COL4A2: variants seen among roughly 807,000 people sequenced by gnomAD.
COL4A2 encodes collagen alpha-2(IV) chain.
In COL4A2, 99 loss-of-function variants were observed where a neutral mutation model predicts 200.2. That is an observed-to-expected ratio of 0.49 (90% confidence interval 0.42 to 0.58). COL4A2 has a LOEUF of 0.58. COL4A2 is among the 20% of genes least tolerant of loss of function. The pLI, the probability that COL4A2 is intolerant of heterozygous loss-of-function variation, is 0.00. For missense variants in COL4A2, 1,950 were observed against 2,314.1 expected (o/e 0.84, Z 3.23); for synonymous variants, 897 against 900.6 (o/e 1.00, Z 0.07).
chr13:110,384,362 C>T (rs1189933684), intron 4 of COL4A2, among the ~76,000 whole-genome samples: 2 of 152,118 alleles, frequency 1.3e-5, no homozygotes, highest in Non-Finnish European at 2.9e-5. Context: ...ACTCTAAAAC[C>T]CTCCTTAAGT....
Position 110,512,608 on chromosome 13 carries a change from C to G in COL4A2, c.*417C>G, listed in dbSNP as rs10509. 159,168 of 180,346 alleles carry G rather than the reference C, an allele frequency of 0.88. 70,520 individuals carry two copies. Among genetic ancestry groups the G allele is most frequent in the South Asian group, 0.95 (7,085 of 7,486 alleles). 11.2% of individuals were successfully genotyped at this position (180,346 alleles called of 1,614,324 possible). A position where few individuals can be genotyped will look rare whatever the true frequency, so the allele number is the denominator to read the frequency against. ...GGCCAGAGGCTCGAGGGGCTCAGGG[C>G]CTCAGGCACCCGTCCCCACACGAGG... is the stretch of plus-strand genomic sequence containing the variant. On this transcript the variant is annotated 3_prime_UTR_variant, in exon 48 of 48. Coordinates refer to ENST00000360467, the MANE Select transcript of COL4A2 (RefSeq NM_001846.4).
At chr13:110,431,257 A>G (rs1880671919) in intron 10 of COL4A2, among the ~76,000 whole-genome samples, 1 of 152,180 alleles carries the variant, frequency 6.6e-6, no homozygotes, top group African/African-American at 2.4e-5. Context: ...TTTGGGCTGC[A>G]GGTGAGAGAG....
At chr13:110,470,566 G>A (rs923750827) in intron 28 of COL4A2, among the ~76,000 whole-genome samples, 1 of 152,120 alleles carries the variant, frequency 6.6e-6, no homozygotes, top group South Asian at 2.1e-4. Flanking sequence ...TAATGACATC[G>A]TTCCATGCCC....
intron 4 of COL4A2, among the ~76,000 whole-genome samples, chr13:110,392,179 A>C (rs956311466): frequency 4.6e-5 from 7 of 152,246 alleles, no homozygotes; most frequent in Admixed American, 4.6e-4. Flanking sequence ...AGAACTTAAG[A>C]GTAAAATAAA....
At chr13:110,383,611 T>C (rs893094698) in intron 4 of COL4A2, among the ~76,000 whole-genome samples, 6 of 133,152 alleles carry the variant, frequency 4.5e-5, no homozygotes, top group African/African-American at 1.5e-4. Flanking sequence ...CTTTTCTTTT[T>C]TTTTTTTTTT....
chr13:110,431,630 C>T (rs1175067294), intron 10 of COL4A2, among the ~76,000 whole-genome samples: 2 of 152,168 alleles, frequency 1.3e-5, no homozygotes, highest in Non-Finnish European at 2.9e-5. Flanking sequence ...GGTTGGATTT[C>T]ATACTTTAAA....
chr13:110,362,155 G>A (rs530732687), intron 4 of COL4A2, among the ~76,000 whole-genome samples: 3 of 152,280 alleles, frequency 2.0e-5, no homozygotes, highest in Admixed American at 1.3e-4. Flanking sequence ...TGGTTCCCTA[G>A]TTAACTCTCT....
chr13:110,328,395 T>C (rs1376211104), intron 3 of COL4A2: 3 of 152,218 alleles, frequency 2.0e-5, no homozygotes, highest in Admixed American at 6.5e-5. Context: ...TGGCTTGGCA[T>C]GGGAGAAGAG....
intron 4 of COL4A2, among the ~76,000 whole-genome samples, chr13:110,379,768 T>A (rs1322925479): frequency 1.3e-5 from 2 of 152,170 alleles, no homozygotes; most frequent in Non-Finnish European, 2.9e-5. Flanking sequence ...CCCCACTCCC[T>A]AGGTGGCTAT....
chr13:110,338,463 C>G (rs1292545967), intron 3 of COL4A2, among the ~76,000 whole-genome samples: 1 of 152,078 alleles, frequency 6.6e-6, no homozygotes, highest in African/African-American at 2.4e-5. Context: ...AATGCTCCCC[C>G]TGAAGAGCAC....
At position 110,512,200 on chromosome 13, in the gene COL4A2, G is replaced by A. The variant is rs368607620; in HGVS notation, c.*9G>A. ...GCATGAAGAACCTGTGAGCCGGCGC[G>A]TGCCAGGAAGGGCCATTTTGGTGCT... On this transcript the variant is annotated 3_prime_UTR_variant, in exon 48 of 48. Transcript: ENST00000360467. The A allele has an allele frequency of 3.7e-5, 60 of 1,606,866 alleles. No homozygotes were observed. Among genetic ancestry groups the A allele is most frequent in the African/African-American group, 3.1e-4 (23 of 74,616 alleles).
rs1594117649 is a variant in COL4A2, at chr13:110,507,669, C to T, written c.4595-266C>T. 12 of 560,500 alleles carry T rather than the reference C, an allele frequency of 2.1e-5. No homozygotes were observed. In the East Asian group the frequency reaches 3.0e-4, roughly 14 times the overall value. 34.7% of individuals were successfully genotyped at this position (560,500 alleles called of 1,614,324 possible). A position where few individuals can be genotyped will look rare whatever the true frequency, so the allele number is the denominator to read the frequency against. ...CACCCAAAATGCTATTCCATGAAGA[C>T]GCCACTCCCTGGTGATCCAACTTGG... On this transcript the variant is annotated intron_variant, in intron 46 of 47. Coordinates refer to ENST00000360467, the MANE Select transcript of COL4A2 (RefSeq NM_001846.4).
At chr13:110,391,010 A>C (rs1251437688) in intron 4 of COL4A2, among the ~76,000 whole-genome samples, 1 of 152,266 alleles carries the variant, frequency 6.6e-6, no homozygotes, top group African/African-American at 2.4e-5. Context: ...GTGAATTACG[A>C]ATTCATCAAC....
At chr13:110,372,815 C>T (rs1033986439) in intron 4 of COL4A2, among the ~76,000 whole-genome samples, 2 of 152,198 alleles carry the variant, frequency 1.3e-5, no homozygotes, top group African/African-American at 4.8e-5. Flanking sequence ...GTTTCCTATG[C>T]CTTTGGGCAG....
At chr13:110,479,072 C>A (rs183447312) in intron 30 of COL4A2, among the ~76,000 whole-genome samples, 1 of 152,322 alleles carries the variant, frequency 6.6e-6, no homozygotes, top group African/African-American at 2.4e-5. Flanking sequence ...TCCCCTATTG[C>A]CGCACTAGCC....
intron 4 of COL4A2, among the ~76,000 whole-genome samples, chr13:110,397,491 T>C (rs4555010): frequency 0.11 from 16,953 of 152,272 alleles, 1,347 homozygotes; most frequent in East Asian, 0.37. Context: ...TTTCCACTAA[T>C]AAACATTTGA....
rs1231833905 is a variant in COL4A2, at chr13:110,503,913, G to A, written c.4205G>A (p.Gly1402Glu). 6 of 1,612,274 alleles carry A rather than the reference G, an allele frequency of 3.7e-6. No individual in the cohort carries two copies. The highest frequency in any genetic ancestry group is 2.2e-5 in the South Asian group (2 of 90,972). The change falls in exon 44 of 48, where the codon GGG becomes GAG. Residue 1402 changes from glycine (G) to glutamate (E), a missense_variant. Gly to Glu is a moderately conservative substitution (Grantham distance 98). Coordinates refer to ENST00000360467, the MANE Select transcript of COL4A2 (RefSeq NM_001846.4). ...CCCCAGAAGATTGCCGTCCAACCAG[G>A]GACAGTGGGTCCCCAGGGGAGGCGA... ...GIPQKIAVQPGTVGPQGRRGP... is the reference protein window; with the variant it reads ...GIPQKIAVQPETVGPQGRRGP...
chr13:110,459,038 A>G, intron 22 of COL4A2, 104 bp downstream of exon 22: 1 of 1,135,656 alleles, frequency 8.8e-7, no homozygotes, highest in South Asian at 1.7e-5. Context: ...TCAGACCGGC[A>G]ACACTCATGG....
intron 4 of COL4A2, among the ~76,000 whole-genome samples, chr13:110,363,171 C>T (rs1258542496): frequency 6.6e-6 from 1 of 152,164 alleles, no homozygotes; most frequent in African/African-American, 2.4e-5. Context: ...GAGTGGAGGC[C>T]TCTGCATCAC....
Sources: gnomAD v4.1 joint callset for allele counts (sites outside exome capture counted in the v4.1 genomes callset) on GRCh38, gnomAD v4.1.1 for gene constraint, MANE v1.5 for transcripts, NCBI Gene and HGNC (gene_info 2026-07-23, HGNC 2026-07-21) for gene names.